Variants in HFM1 observed in about 807,000 individuals in gnomAD.
HFM1 encodes the protein probable ATP-dependent DNA helicase HFM1.
In HFM1, 169 loss-of-function variants were observed where a neutral mutation model predicts 192.1. The ratio of observed to expected loss-of-function variants is 0.88; its 90% CI spans 0.78 to 1.00. The LOEUF is 1.00. Among genes scored for constraint, HFM1 ranks in the 50% least tolerant of loss-of-function variants. The pLI is 0.00. For missense variants in HFM1, 1,661 were observed against 1,668.0 expected, an observed-to-expected ratio of 1.00 and a Z score of 0.07; for synonymous variants, 525 against 537.8, an observed-to-expected ratio of 0.98 and a Z score of 0.33.
intron 13 of HFM1, among the ~76,000 whole-genome samples, chr1:91,371,867 C>G (rs1303509722): frequency 6.6e-6 from 1 of 152,102 alleles, no homozygotes; most frequent in Non-Finnish European, 1.5e-5. Flanking sequence ...CCAGAATCTA[C>G]AATGAACTCA....
rs144720491 is a variant in HFM1 at position 91,315,911 on chromosome 1, T to G, written c.3044A>C (p.Glu1015Ala). 46 of 1,604,626 alleles carry G rather than the reference T, an allele frequency of 2.9e-5. No homozygotes were observed. The African/African-American group carries it at 3.5e-4, about 12-fold the overall frequency. Residue 1015 changes from glutamate to alanine, a missense_variant, in exon 28 of 39, where the codon GAA becomes GCA. Transcript: ENST00000370425. Reference sequence around the variant, plus strand: ...TGCTGTTCTTTTAGTTTGTAGCTGTTCAAAATTTCTTAATATAACAGTCAC... The same window carrying G: ...TGCTGTTCTTTTAGTTTGTAGCTGTGCAAAATTTCTTAATATAACAGTCAC... ...ILVTVILRNFEQLQTKRTASD... is the reference protein window; with the variant it reads ...ILVTVILRNFAQLQTKRTASD...
At chr1:91,299,238 C>A (rs1007594702) in intron 30 of HFM1, among the ~76,000 whole-genome samples, 4 of 152,112 alleles carry the variant, frequency 2.6e-5, no homozygotes, top group African/African-American at 9.7e-5. Flanking sequence ...AGCTAACTAT[C>A]CTAAATATAT....
chr1:91,293,653 G>C (rs926097576), intron 30 of HFM1, among the ~76,000 whole-genome samples: 8 of 151,540 alleles, frequency 5.3e-5, no homozygotes, highest in Non-Finnish European at 1.0e-4. Context: ...ATTCCTCAGG[G>C]ATCTAGAACT....
chr1:91,338,877 T>C, intron 20 of HFM1: 1 of 455,406 alleles, frequency 2.2e-6, no homozygotes, highest in Non-Finnish European at 4.4e-6. Context: ...TGCGTAACCT[T>C]CTGCCACTGC....
intron 4 of HFM1, among the ~76,000 whole-genome samples, chr1:91,393,408 A>T (rs1055369132): frequency 6.6e-6 from 1 of 152,112 alleles, no homozygotes; most frequent in East Asian, 1.9e-4. Flanking sequence ...TCTAAAATCA[A>T]CATGTCCATA....
rs116222902 is a variant in HFM1, at chr1:91,336,754, T to A, written c.2335+6676A>T. Reference sequence around the variant, plus strand: ...GGGTATATACCCAAAGGAATACAAATCATTCTTTTGTAAAGATACATGCAC... The same window carrying A: ...GGGTATATACCCAAAGGAATACAAAACATTCTTTTGTAAAGATACATGCAC... On this transcript the variant is annotated intron_variant, in intron 20 of 38. Transcript: ENST00000370425. Among the ~76,000 whole-genome samples the A allele has an allele frequency of 1.4e-3, 217 of 152,266 alleles. 3 individuals are homozygous for A. In the East Asian group the frequency reaches 0.022, roughly 16 times the overall value.
At chr1:91,339,425 C>CA (rs1226047200) in intron 20 of HFM1, among the ~76,000 whole-genome samples, 1 of 151,898 alleles carries the variant, frequency 6.6e-6, no homozygotes, top group Non-Finnish European at 1.5e-5. Context: ...AGGTGAAGGA[C>CA]AAAATCGCCA....
rs1309036295 is a variant in HFM1, at chr1:91,364,631, TA to T, written c.1685+10726del. Among the ~76,000 whole-genome samples, 350 of 39,318 alleles carry T rather than the reference TA, an allele frequency of 8.9e-3. 1 individual carries two copies. Among genetic ancestry groups the T allele is most frequent in the African/African-American group, 0.027 (269 of 9,794 alleles). 25.8% of individuals were successfully genotyped at this position (39,318 alleles called of 152,430 possible). A position where few individuals can be genotyped will look rare whatever the true frequency, so the allele number is the denominator to read the frequency against. On this transcript the variant is annotated intron_variant, in intron 13 of 38. Coordinates refer to ENST00000370425, the MANE Select transcript of HFM1 (RefSeq NM_001017975.6). ...ACATATATATATATATATATATATA[TA>T]TTTTTTTTTTTTTTTTGAGACAGAG...
intron 1 of HFM1, among the ~76,000 whole-genome samples, chr1:91,403,774 T>C (rs1664556102): frequency 1.3e-5 from 2 of 152,194 alleles, no homozygotes; most frequent in Admixed American, 1.3e-4. Context: ...TCTAGTTATA[T>C]TAATGACAAT....
Position 91,262,257 on chromosome 1 carries a change from T to G in HFM1, c.4222A>C (p.Lys1408Gln), listed in dbSNP as rs1311538219. The change falls in exon 38 of 39, where the codon AAG becomes CAG. Residue 1408 changes from lysine (K) to glutamine (Q), a missense_variant. By Grantham distance (53) the Lys-to-Gln change is moderately conservative. Transcript: ENST00000370425. The part of the protein sequence containing the change: ...DFFIRNSECK[K>Q]EVDFSMYHPD... Reference sequence around the variant, plus strand: ...AGTTCTTACCTGAAATCAACTTCCTTTTTACATTCACTGTTTCTAATAAAA... The same window carrying G: ...AGTTCTTACCTGAAATCAACTTCCTGTTTACATTCACTGTTTCTAATAAAA... 7.2e-7 allele frequency: 1 copy of G among 1,392,794 alleles called. No individual in the cohort carries two copies. Among genetic ancestry groups the G allele is most frequent in the Non-Finnish European group, 9.9e-7 (1 of 1,009,974 alleles). 86.3% of individuals were successfully genotyped at this position (1,392,794 alleles called of 1,614,324 possible). A position where few individuals can be genotyped will look rare whatever the true frequency, so the allele number is the denominator to read the frequency against.
At position 91,319,493 on chromosome 1, in the gene HFM1, C is replaced by T. The variant is rs899259741; in HGVS notation, c.2583-103G>A. Reference sequence around the variant, plus strand: ...ATTCCTTCTTAAAACTTTTCTCTGCCTTAATTTCTGCAATACTACATGATT... The same window carrying T: ...ATTCCTTCTTAAAACTTTTCTCTGCTTTAATTTCTGCAATACTACATGATT... On this transcript the variant is annotated intron_variant, in intron 23 of 38. Transcript: ENST00000370425. 1.1e-5 allele frequency: 8 copies of T among 698,576 alleles called. No individual in the cohort carries two copies. The African/African-American group carries it at 1.3e-4, about 11-fold the overall frequency. 43.3% of individuals were successfully genotyped at this position (698,576 alleles called of 1,614,324 possible).
At position 91,353,133 on chromosome 1, in the gene HFM1, A is replaced by G; in HGVS notation, c.1749T>C (p.Ala583=). The change falls in exon 15 of 39, where the codon GCT becomes GCC. Residue 583 remains alanine (A), a synonymous_variant. Coordinates refer to ENST00000370425, the MANE Select transcript of HFM1 (RefSeq NM_001017975.6). The part of the protein sequence containing the change: ...SKLRDILKDG[A]AYHHAGMELS... ...GCTCCATACCAGCATGATGATAAGC[A>G]GCACCATCTTTTAAGATATCTGTAA... 1 of 1,610,230 alleles carries G rather than the reference A, an allele frequency of 6.2e-7. No homozygotes were observed. Among genetic ancestry groups the G allele is most frequent in the Non-Finnish European group, 8.5e-7 (1 of 1,177,220 alleles).
chr1:91,323,277 T>C, intron 21 of HFM1, 78 bp from the exon 22 acceptor site: 3 of 800,976 alleles, frequency 3.7e-6, no homozygotes, highest in South Asian at 3.1e-5. Context: ...ATTTATTTAT[T>C]TTTCATACTG....
At chr1:91,382,314 C>G (rs1316104666) in intron 6 of HFM1, among the ~76,000 whole-genome samples, 4 of 152,102 alleles carry the variant, frequency 2.6e-5, no homozygotes, top group African/African-American at 9.7e-5. Context: ...ATAATAGTCA[C>G]CACTTTCTAA....
intron 20 of HFM1, among the ~76,000 whole-genome samples, chr1:91,327,145 TAAC>T (rs1653038207): frequency 6.6e-6 from 1 of 151,704 alleles, no homozygotes; most frequent in Non-Finnish European, 1.5e-5. Flanking sequence ...AGAAAACAAA[TAAC>T]AAAATGGCAG....
chr1:91,401,565 A>T (rs1664312593), intron 1 of HFM1, among the ~76,000 whole-genome samples: 1 of 152,204 alleles, frequency 6.6e-6, no homozygotes, highest in African/African-American at 2.4e-5. Context: ...ACAATATACT[A>T]TGTACATATG....
At chr1:91,383,042 A>G (rs1441449816) in intron 6 of HFM1, among the ~76,000 whole-genome samples, 2 of 152,194 alleles carry the variant, frequency 1.3e-5, no homozygotes, top group African/African-American at 2.4e-5. Context: ...AATTATCACA[A>G]ATAGCATTCA....
At chr1:91,343,213 AGAGT>A (rs1190450870) in intron 20 of HFM1, among the ~76,000 whole-genome samples, 1 of 128,610 alleles carries the variant, frequency 7.8e-6, no homozygotes, top group Non-Finnish European at 1.6e-5. Flanking sequence ...CCTGGGCAAA[AGAGT>A]GAGACTCTGT....
Position 91,288,576 on chromosome 1 carries a change from T to C in HFM1, c.3392-11514A>G, listed in dbSNP as rs183207717. On this transcript the variant is annotated intron_variant, in intron 30 of 38. Transcript: ENST00000370425. ...GGTACTTGAGATTAGGGAGTGGTGATGACTCTTAAGGAGTATGCTGCCTTC... is the reference window on the plus strand; with the variant it reads ...GGTACTTGAGATTAGGGAGTGGTGACGACTCTTAAGGAGTATGCTGCCTTC... 1.4e-3 allele frequency among the ~76,000 whole-genome samples: 216 copies of C among 152,112 alleles called. 3 individuals carry two copies. In the East Asian group the frequency reaches 0.023, roughly 16 times the overall value.
Sources: gnomAD v4.1 joint callset for allele counts (sites outside exome capture counted in the v4.1 genomes callset) on GRCh38, gnomAD v4.1.1 for gene constraint, MANE v1.5 for transcripts, NCBI Gene and HGNC (gene_info 2026-07-23, HGNC 2026-07-21) for gene names.